EPB41L4B: variants seen among roughly 807,000 people sequenced by gnomAD.
EPB41L4B encodes erythrocyte membrane protein band 4.1 like 4B.
In EPB41L4B, 30 loss-of-function variants were observed where a neutral mutation model predicts 112.5. That is an observed-to-expected ratio of 0.27 (90% CI 0.20 to 0.36). The LOEUF (loss-of-function observed/expected upper bound fraction) is 0.36, where lower values mean the gene tolerates loss of function less well. Among genes scored for constraint, EPB41L4B ranks in the 10% least tolerant of loss-of-function variants. The pLI is 1.00. For missense variants in EPB41L4B, 1,024 were observed against 1,133.3 expected, an observed-to-expected ratio of 0.90 and a Z score of 1.38; for synonymous variants, 408 against 439.7, an observed-to-expected ratio of 0.93 and a Z score of 0.90.
At chr9:109,232,527 T>C (rs1198518749) in intron 15 of EPB41L4B, among the ~76,000 whole-genome samples, 2 of 152,192 alleles carry the variant, frequency 1.3e-5, no homozygotes, top group African/African-American at 2.4e-5. Context: ...AGCAGATTCT[T>C]TGTCATCCTG....
Position 109,310,646 on chromosome 9 carries a change from T to A in EPB41L4B, c.306+9495A>T, listed in dbSNP as rs112992065. 4.6e-5 allele frequency among the ~76,000 whole-genome samples: 7 copies of A among 152,288 alleles called. 1 individual carries two copies. The highest frequency in any genetic ancestry group is 1.7e-4 in the African/African-American group (7 of 41,554). On this transcript the variant is annotated intron_variant, in intron 1 of 25. Transcript: ENST00000374566. Reference sequence around the variant, plus strand: ...AGACAGCCTTGGAAGATGATCAGCATGATGCAGAAGAGTCCCAGGGAAGAG... The same window carrying A: ...AGACAGCCTTGGAAGATGATCAGCAAGATGCAGAAGAGTCCCAGGGAAGAG...
intron 7 of EPB41L4B, among the ~76,000 whole-genome samples, chr9:109,257,406 A>G (rs538071812): frequency 6.6e-6 from 1 of 152,244 alleles, no homozygotes; most frequent in South Asian, 2.1e-4. Flanking sequence ...AAGGGGATAA[A>G]TGACACTGCT....
intron 15 of EPB41L4B, among the ~76,000 whole-genome samples, chr9:109,226,090 T>C (rs1445451360): frequency 3.3e-5 from 5 of 152,206 alleles, no homozygotes; most frequent in African/African-American, 1.2e-4. Context: ...GCCATCTTCA[T>C]ATGTGTCTGC....
chr9:109,225,502 G>A (rs530243693), intron 15 of EPB41L4B, among the ~76,000 whole-genome samples: 7 of 152,284 alleles, frequency 4.6e-5, no homozygotes, highest in African/African-American at 1.7e-4. Context: ...AGTGAAAGGG[G>A]AAACTCTTAT....
chr9:109,280,708 C>G (rs984359141), intron 1 of EPB41L4B, among the ~76,000 whole-genome samples: 3 of 152,088 alleles, frequency 2.0e-5, no homozygotes, highest in African/African-American at 4.8e-5. Flanking sequence ...TCTTAATAGT[C>G]ACCCAAGCGG....
chr9:109,317,311 G>A (rs190156945), intron 1 of EPB41L4B, among the ~76,000 whole-genome samples: 7 of 152,266 alleles, frequency 4.6e-5, no homozygotes, highest in East Asian at 1.9e-4. Flanking sequence ...AAGTCCTTCC[G>A]ATTCCCCCAT....
At chr9:109,184,623 C>T (rs1440800504) in intron 23 of EPB41L4B, among the ~76,000 whole-genome samples, 5 of 152,276 alleles carry the variant, frequency 3.3e-5, no homozygotes, top group Non-Finnish European at 7.3e-5. Flanking sequence ...AACAATTACA[C>T]TCTGTGTTGC....
chr9:109,199,023 A>G (rs1254145837), intron 20 of EPB41L4B, among the ~76,000 whole-genome samples: 1 of 151,546 alleles, frequency 6.6e-6, no homozygotes, highest in Non-Finnish European at 1.5e-5. Flanking sequence ...TCTGCTTTGG[A>G]TTATAATTAT....
At chr9:109,298,459 G>A (rs373843419) in intron 1 of EPB41L4B, among the ~76,000 whole-genome samples, 2 of 151,794 alleles carry the variant, frequency 1.3e-5, no homozygotes, top group Non-Finnish European at 2.9e-5. Flanking sequence ...GATTACAGGC[G>A]CCTGCCACCA....
chr9:109,299,882 G>T (rs1292357256), intron 1 of EPB41L4B, among the ~76,000 whole-genome samples: 1 of 152,152 alleles, frequency 6.6e-6, no homozygotes, highest in Non-Finnish European at 1.5e-5. Flanking sequence ...GTGTGGGGAT[G>T]GTCCACTCAC....
intron 15 of EPB41L4B, among the ~76,000 whole-genome samples, chr9:109,234,058 T>G (rs545811150): frequency 6.7e-6 from 1 of 150,346 alleles, no homozygotes; most frequent in African/African-American, 2.4e-5. Context: ...ACAGAGAATG[T>G]AATTAAAACA....
intron 23 of EPB41L4B, among the ~76,000 whole-genome samples, chr9:109,184,482 G>A (rs1832182353): frequency 6.6e-6 from 1 of 152,230 alleles, no homozygotes; most frequent in South Asian, 2.1e-4. Context: ...GCCTCCCAAA[G>A]TGCTGGGATT....
chr9:109,234,593 A>G (rs1187049814), intron 15 of EPB41L4B, among the ~76,000 whole-genome samples: 2 of 152,222 alleles, frequency 1.3e-5, no homozygotes, highest in African/African-American at 2.4e-5. Flanking sequence ...GGCCAGGTGC[A>G]GTAGCTCTCC....
chr9:109,313,231 C>A (rs1053539182), intron 1 of EPB41L4B, among the ~76,000 whole-genome samples: 6 of 152,260 alleles, frequency 3.9e-5, no homozygotes, highest in African/African-American at 1.4e-4. Context: ...CGATACCCCT[C>A]CCCCATGCTT....
intron 1 of EPB41L4B, among the ~76,000 whole-genome samples, chr9:109,316,857 T>C (rs1190657941): frequency 1.3e-5 from 2 of 152,224 alleles, no homozygotes; most frequent in Middle Eastern, 3.4e-3. Context: ...ATCCCAACAC[T>C]GTTAGGGGCT....
intron 15 of EPB41L4B, among the ~76,000 whole-genome samples, chr9:109,242,442 A>C (rs1457081966): frequency 6.6e-6 from 1 of 152,276 alleles, no homozygotes; most frequent in Non-Finnish European, 1.5e-5. Flanking sequence ...AATGATAAGC[A>C]CAAACTTTTG....
intron 1 of EPB41L4B, among the ~76,000 whole-genome samples, chr9:109,304,445 G>A (rs1002998335): frequency 6.6e-6 from 1 of 152,198 alleles, no homozygotes; most frequent in African/African-American, 2.4e-5. Flanking sequence ...GTCCCGAGGG[G>A]CACCTCTAAT....
intron 1 of EPB41L4B, among the ~76,000 whole-genome samples, chr9:109,310,118 T>G (rs1375003001): frequency 6.6e-6 from 1 of 152,084 alleles, no homozygotes; most frequent in African/African-American, 2.4e-5. Context: ...ACATCCCAAA[T>G]GTCCACACAG....
At chr9:109,191,005 TAG>T (rs1455072006) in intron 22 of EPB41L4B, among the ~76,000 whole-genome samples, 2 of 152,236 alleles carry the variant, frequency 1.3e-5, no homozygotes, top group South Asian at 2.1e-4. Context: ...TCCCCTGAGA[TAG>T]AGACCTGTCC....
Sources: gnomAD v4.1 joint callset for allele counts (sites outside exome capture counted in the v4.1 genomes callset) on GRCh38, gnomAD v4.1.1 for gene constraint, MANE v1.5 for transcripts, NCBI Gene and HGNC (gene_info 2026-07-23, HGNC 2026-07-21) for gene names.